EYA2: variants seen among roughly 807,000 people sequenced by gnomAD.
EYA2 encodes EYA transcriptional coactivator and phosphatase 2.
In EYA2, 31 loss-of-function variants were observed where a neutral mutation model predicts 69.2. The observed-to-expected ratio is 0.45, with a 90% CI of 0.34 to 0.60. The LOEUF is 0.60. Among genes scored for constraint, EYA2 ranks in the 20% least tolerant of loss-of-function variants. EYA2 has a pLI of 0.02. For synonymous variants in EYA2, 257 were observed against 279.4 expected (o/e 0.92, Z 0.80); for missense variants, 622 against 701.2 (o/e 0.89, Z 1.28).
intron 9 of EYA2, among the ~76,000 whole-genome samples, chr20:47,120,199 C>T (rs2033008659): frequency 6.6e-6 from 1 of 151,840 alleles, no homozygotes; most frequent in Non-Finnish European, 1.5e-5. Context: ...CAGAGCAAGA[C>T]TCCGCCTCAA....
intron 5 of EYA2, among the ~76,000 whole-genome samples, chr20:47,051,450 T>G (rs1421179549): frequency 6.6e-6 from 1 of 152,176 alleles, no homozygotes; most frequent in Non-Finnish European, 1.5e-5. Flanking sequence ...GGGAGAAAAC[T>G]GAGATGAAGA....
intron 10 of EYA2, among the ~76,000 whole-genome samples, chr20:47,164,990 C>T (rs1220896665): frequency 2.6e-5 from 4 of 152,164 alleles, no homozygotes; most frequent in Non-Finnish European, 5.9e-5. Context: ...TCTAGAGCAG[C>T]GCTGTCCAGT....
At chr20:46,987,958 C>CTATATA (rs1568707059) in intron 1 of EYA2, among the ~76,000 whole-genome samples, 4 of 33,774 alleles carry the variant, frequency 1.2e-4, no homozygotes, top group Non-Finnish European at 1.8e-4. Context: ...CTCTCTCTCT[C>CTATATA]TCTCTCTATA....
intron 5 of EYA2, among the ~76,000 whole-genome samples, chr20:47,025,141 A>G (rs958304630): frequency 2.0e-5 from 3 of 152,224 alleles, no homozygotes; most frequent in Non-Finnish European, 4.4e-5. Flanking sequence ...ACTTCCTTTT[A>G]AAAGCAAAGA....
chr20:47,167,307 A>C (rs1478317634), intron 10 of EYA2, among the ~76,000 whole-genome samples: 3 of 129,958 alleles, frequency 2.3e-5, no homozygotes, highest in African/African-American at 9.4e-5. Flanking sequence ...TTTGAGACAG[A>C]GTCTCGCTCT....
intron 8 of EYA2, among the ~76,000 whole-genome samples, chr20:47,093,582 A>C (rs941178073): frequency 1.3e-5 from 2 of 151,804 alleles, no homozygotes; most frequent in African/African-American, 4.8e-5. Context: ...GCACCAGCGC[A>C]AGCTGTGCTG....
At chr20:47,077,634 G>A (rs925703137) in intron 7 of EYA2, among the ~76,000 whole-genome samples, 2 of 152,194 alleles carry the variant, frequency 1.3e-5, no homozygotes, top group African/African-American at 2.4e-5. Flanking sequence ...CACTGGGAAT[G>A]AGTGAGTTAT....
chr20:47,104,688 C>T (rs374574084), intron 9 of EYA2, among the ~76,000 whole-genome samples: 2 of 152,278 alleles, frequency 1.3e-5, no homozygotes, highest in East Asian at 3.9e-4. Context: ...TGAAAAGACT[C>T]TTCTTTCCCC....
intron 1 of EYA2, among the ~76,000 whole-genome samples, chr20:46,911,293 T>C (rs1393495628): frequency 6.6e-6 from 1 of 152,054 alleles, no homozygotes; most frequent in African/African-American, 2.4e-5. Context: ...TGGCATTTAA[T>C]ATGTCCATGT....
At chr20:47,045,498 A>G (rs969586561) in intron 5 of EYA2, among the ~76,000 whole-genome samples, 2 of 152,206 alleles carry the variant, frequency 1.3e-5, no homozygotes, top group Admixed American at 6.5e-5. Flanking sequence ...CAGGGATCAG[A>G]AGAGTTCTTG....
intron 1 of EYA2, among the ~76,000 whole-genome samples, chr20:46,912,308 C>T (rs1370572176): frequency 1.3e-5 from 2 of 152,168 alleles, no homozygotes; most frequent in East Asian, 3.8e-4. Context: ...CTCATTTTTC[C>T]CTAGGCTAGT....
intron 5 of EYA2, among the ~76,000 whole-genome samples, chr20:47,018,094 G>A (rs1983519230): frequency 6.6e-6 from 1 of 152,206 alleles, no homozygotes; most frequent in African/African-American, 2.4e-5. Context: ...CTGATAACAG[G>A]AGGTGTGTGA....
intron 2 of EYA2, among the ~76,000 whole-genome samples, chr20:46,993,861 T>C (rs1206791): frequency 0.87 from 133,062 of 152,180 alleles, 59,083 homozygotes; most frequent in Non-Finnish European, 0.97. Context: ...GGGTGCCACA[T>C]GGCTACACAG....
chr20:46,944,725 C>G (rs1978353370), intron 1 of EYA2, among the ~76,000 whole-genome samples: 1 of 152,162 alleles, frequency 6.6e-6, no homozygotes, highest in Admixed American at 6.5e-5. Context: ...CCTGCTCATA[C>G]CAAGAACAGG....
chr20:47,006,557 G>A (rs6094550), intron 4 of EYA2, among the ~76,000 whole-genome samples: 2,409 of 152,242 alleles, frequency 0.016, 59 homozygotes, highest in African/African-American at 0.055. Flanking sequence ...TGAGTGCAGA[G>A]GCTGACTCTT....
At chr20:47,103,619 T>C (rs2146528940) in intron 9 of EYA2, among the ~76,000 whole-genome samples, 1 of 152,308 alleles carries the variant, frequency 6.6e-6, no homozygotes, top group Non-Finnish European at 1.5e-5. Context: ...GTTCAGAGTG[T>C]AGGGGGAAGA....
intron 9 of EYA2, among the ~76,000 whole-genome samples, chr20:47,108,659 C>T (rs1237669112): frequency 6.6e-6 from 1 of 152,032 alleles, no homozygotes; most frequent in African/African-American, 2.4e-5. Flanking sequence ...GCAACCTCAA[C>T]CTCCTGGGCT....
At chr20:47,117,213 A>G (rs1813595233) in intron 9 of EYA2, among the ~76,000 whole-genome samples, 2 of 151,868 alleles carry the variant, frequency 1.3e-5, no homozygotes. Flanking sequence ...GGGTTTCACG[A>G]TGGCCAGGCT....
intron 1 of EYA2, among the ~76,000 whole-genome samples, chr20:46,931,507 T>G (rs1985665190): frequency 6.6e-6 from 1 of 152,170 alleles, no homozygotes; most frequent in African/African-American, 2.4e-5. Context: ...CTCTGTAAAA[T>G]GGAACTAATG....
Sources: allele counts gnomAD v4.1 joint callset (sites outside exome capture counted in the v4.1 genomes callset), GRCh38; gene constraint gnomAD v4.1.1; transcripts MANE v1.5; gene names NCBI Gene and HGNC (gene_info 2026-07-23, HGNC 2026-07-21).